SYNJ2: variants seen among roughly 807,000 people sequenced by gnomAD.
The protein encoded by SYNJ2 is polyphosphatidylinositol phosphatase SYNJ2.
In SYNJ2, 116 loss-of-function variants were observed where a neutral mutation model predicts 141.3. That is an observed-to-expected ratio of 0.82 (90% CI 0.71 to 0.96). SYNJ2 has a LOEUF of 0.96. Ranked by LOEUF, SYNJ2 falls within the 40% of genes least tolerant of loss-of-function variation. The pLI, the probability that SYNJ2 is intolerant of heterozygous loss-of-function variation, is 0.00. For missense variants in SYNJ2, 1,873 were observed against 1,934.8 expected (o/e 0.97, Z 0.60); for synonymous variants, 745 against 777.7 (o/e 0.96, Z 0.70).
At chr6:158,030,702 GCCA>G (rs745809390) in intron 3 of SYNJ2, 5 of 152,180 alleles carry the variant, frequency 3.3e-5, no homozygotes, top group Non-Finnish European at 5.9e-5. Flanking sequence ...GACCAGCCTG[GCCA>G]ACATGGTGAA....
intron 6 of SYNJ2, 119 bp from the exon 7 acceptor site, chr6:158,059,138 C>A: frequency 9.0e-7 from 1 of 1,117,020 alleles, no homozygotes; most frequent in Non-Finnish European, 1.2e-6. Flanking sequence ...ACAGCTGGTC[C>A]TGGACTGTGG....
intron 23 of SYNJ2, among the ~76,000 whole-genome samples, chr6:158,088,180 C>A (rs767835721): frequency 3.3e-5 from 5 of 150,654 alleles, no homozygotes; most frequent in Non-Finnish European, 7.4e-5. Context: ...CCTACCTCAG[C>A]CTGCCAAGTA....
intron 2 of SYNJ2, chr6:158,017,858 C>T (rs1466631275): frequency 4.3e-5 from 21 of 487,780 alleles, no homozygotes; most frequent in Admixed American, 3.7e-4. Context: ...CCGGCACCCC[C>T]ACCCTGTGCC....
chr6:158,001,558 C>T (rs11755415), intron 1 of SYNJ2: 60,720 of 151,610 alleles, frequency 0.4, 12,258 homozygotes, highest in Middle Eastern at 0.46. Flanking sequence ...CCACCACGCC[C>T]GGCTAATTGT....
At chr6:158,039,490 G>A (rs1027096085) in intron 4 of SYNJ2, among the ~76,000 whole-genome samples, 1 of 152,218 alleles carries the variant, frequency 6.6e-6, no homozygotes, top group Non-Finnish European at 1.5e-5. Context: ...GTGATCTGCT[G>A]GGATTCTGGA....
intron 5 of SYNJ2, among the ~76,000 whole-genome samples, chr6:158,046,671 T>G (rs1780252095): frequency 6.6e-6 from 1 of 152,224 alleles, no homozygotes; most frequent in African/African-American, 2.4e-5. Flanking sequence ...CATGTTTTCC[T>G]GGGTAATGGT....
At chr6:157,985,963 G>T (rs113119649) in intron 1 of SYNJ2, among the ~76,000 whole-genome samples, 2 of 152,294 alleles carry the variant, frequency 1.3e-5, no homozygotes, top group East Asian at 3.9e-4. Flanking sequence ...GCGAGGCCAC[G>T]TCTCGAGTTT....
intron 1 of SYNJ2, among the ~76,000 whole-genome samples, chr6:158,005,075 G>A (rs1460792092): frequency 1.5e-5 from 2 of 133,354 alleles, no homozygotes; most frequent in Non-Finnish European, 3.1e-5. Context: ...CAGTCCCAGT[G>A]ACTATTTTTT....
In SYNJ2 at chr6:158,069,569, G is replaced by C. The variant is rs1781782746; in HGVS notation, c.1836G>C (p.Gln612His). 1 of 1,613,898 alleles carries C rather than the reference G, an allele frequency of 6.2e-7. No individual in the cohort carries two copies. Among genetic ancestry groups the C allele is most frequent in the African/African-American group, 1.3e-5 (1 of 74,910 alleles). Residue 612 changes from glutamine to histidine, a missense_variant, in exon 14 of 27, where the codon CAG (glutamine) becomes CAC (histidine). Transcript: ENST00000355585. ...AGAAGATGTGGGGTGAACAGCTTCA[G>C]AAAGCCATCTCACGCTCTCATAGAT... ...TNKKMWGEQLQKAISRSHRYI... is the reference protein window; with the variant it reads ...TNKKMWGEQLHKAISRSHRYI...
chr6:158,025,084 C>T (rs913762647), intron 2 of SYNJ2, among the ~76,000 whole-genome samples: 11 of 152,206 alleles, frequency 7.2e-5, no homozygotes, highest in African/African-American at 1.9e-4. Context: ...ACATTTATTT[C>T]GCGCAGTTCT....
At chr6:158,019,411 G>GT (rs1326203027) in intron 2 of SYNJ2, among the ~76,000 whole-genome samples, 1 of 152,200 alleles carries the variant, frequency 6.6e-6, no homozygotes, top group Non-Finnish European at 1.5e-5. Context: ...GGGGAAAAGT[G>GT]TTTTTTCCCA....
intron 5 of SYNJ2, among the ~76,000 whole-genome samples, chr6:158,048,713 TG>T (rs1780389230): frequency 6.6e-6 from 1 of 152,108 alleles, no homozygotes; most frequent in Non-Finnish European, 1.5e-5. Context: ...CCAGTTTTAT[TG>T]GGGTCAGACT....
intron 1 of SYNJ2, chr6:158,001,425 T>TG (rs1313047676): frequency 3.6e-5 from 5 of 139,660 alleles, no homozygotes; most frequent in African/African-American, 1.4e-4. Flanking sequence ...AGATGGAGCC[T>TG]GGCTCTTGTT....
chr6:158,082,798 C>T (rs767488704), intron 20 of SYNJ2, among the ~76,000 whole-genome samples: 2 of 152,200 alleles, frequency 1.3e-5, no homozygotes, highest in East Asian at 1.9e-4. Flanking sequence ...TGTCTATGCT[C>T]GCACTGCCAT....
chr6:158,005,813 C>CA lies in SYNJ2; in HGVS notation c.128-11387dup, dbSNP rs1275803098. On this transcript the variant is annotated intron_variant, in intron 1 of 26. Transcript: ENST00000355585. ...ATGGCCTCGTCCTCTCATTCCACCC[C>CA]AAAATTTGAAGCCACTGGAAGAGAA... Among the ~76,000 whole-genome samples, 4 of 152,246 alleles carry CA rather than the reference C, an allele frequency of 2.6e-5. No homozygotes were observed. In the South Asian group the frequency reaches 6.2e-4, roughly 24 times the overall value.
In SYNJ2 at chr6:158,064,554, G is replaced by A. The variant is rs559467032; in HGVS notation, c.1210-47G>A. On this transcript the variant is annotated intron_variant, in intron 9 of 26. Coordinates refer to ENST00000355585, the MANE Select transcript of SYNJ2 (RefSeq NM_003898.4). Reference sequence around the variant, plus strand: ...AACCTCCTGGGACAGTGGCTGCAGGGCCTCTGTGGGAGAAGCCAGTGACAG... The same window carrying A: ...AACCTCCTGGGACAGTGGCTGCAGGACCTCTGTGGGAGAAGCCAGTGACAG... The A allele has an allele frequency of 1.9e-6, 3 of 1,604,278 alleles. No individual in the cohort carries two copies. The South Asian group carries it at 3.3e-5, about 18-fold the overall frequency.
Position 158,072,537 on chromosome 6 carries a change from G to A in SYNJ2, c.2133+743G>A, listed in dbSNP as rs909777897. 3.3e-5 allele frequency among the ~76,000 whole-genome samples: 5 copies of A among 152,094 alleles called. No homozygotes were observed. In the East Asian group the frequency reaches 5.8e-4, roughly 18 times the overall value. On this transcript the variant is annotated intron_variant, in intron 15 of 26. Coordinates refer to ENST00000355585, the MANE Select transcript of SYNJ2 (RefSeq NM_003898.4). ...AATCTTCCACTGTCTGAGAGGTGGT[G>A]GGTTGGGTCACAGAGCTCTTCCCTG...
chr6:157,983,587 G>GA lies in SYNJ2; in HGVS notation c.127+1505dup, dbSNP rs1777090112. On this transcript the variant is annotated intron_variant, in intron 1 of 26. Transcript: ENST00000355585. ...TTCAAGAATTCTTTGAAGCAGCTTAGAAAAAAGAGATTTTATTTTTTCAAA... is the reference window on the plus strand; with the variant it reads ...TTCAAGAATTCTTTGAAGCAGCTTAGAAAAAAAGAGATTTTATTTTTTCAAA... Among the ~76,000 whole-genome samples the GA allele has an allele frequency of 1.3e-5, 2 of 152,064 alleles. 1 individual carries two copies. The highest frequency in any genetic ancestry group is 4.1e-4 in the South Asian group (2 of 4,830).
At position 158,096,971 on chromosome 6, in the gene SYNJ2, C is replaced by G. The variant is rs535641358; in HGVS notation, c.*607C>G. ...TACATGTGCGTTAACCTTGATGATG[C>G]GTGAATCCCGAGGGAGCCGGTGGCA... On this transcript the variant is annotated 3_prime_UTR_variant, in exon 27 of 27. Coordinates refer to ENST00000355585, the MANE Select transcript of SYNJ2 (RefSeq NM_003898.4). The G allele has an allele frequency of 6.5e-6, 1 of 152,752 alleles. No individual in the cohort carries two copies. Among genetic ancestry groups the G allele is most frequent in the Non-Finnish European group, 1.5e-5 (1 of 68,156 alleles). The allele number at this position is 152,752 out of a possible 1,614,324, so 9.5% of individuals were successfully genotyped here.
Sources: gnomAD v4.1 joint callset for allele counts (sites outside exome capture counted in the v4.1 genomes callset) on GRCh38, gnomAD v4.1.1 for gene constraint, MANE v1.5 for transcripts, NCBI Gene and HGNC (gene_info 2026-07-23, HGNC 2026-07-21) for gene names.